Variants in ARK2N observed in about 807,000 individuals in gnomAD.
ARK2N encodes arkadia (RNF111) N-terminal like PKA signaling regulator 2N, also known as protein ARK2N.
At chr18:46,233,528 C>A in the ARK2N span, among the ~76,000 whole-genome samples, 1 of 152,030 alleles carries the variant, frequency 6.6e-6, no homozygotes, top group Admixed American at 6.6e-5. Context: ...TCCAAATAAC[C>A]CCACTTGAAT....
chr18:46,248,670 C>T, the ARK2N span, among the ~76,000 whole-genome samples: 2 of 152,114 alleles, frequency 1.3e-5, no homozygotes, highest in East Asian at 1.9e-4. Context: ...CTGAAACCTC[C>T]GCCTCCTGGG....
chr18:46,259,708 C>G, the ARK2N span, among the ~76,000 whole-genome samples: 47 of 148,816 alleles, frequency 3.2e-4, no homozygotes, highest in Non-Finnish European at 6.0e-4. Context: ...AAGGCTCAAG[C>G]CATCCTCCCA....
chr18:46,258,894 TTCTC>T, the ARK2N span, among the ~76,000 whole-genome samples: 1 of 152,182 alleles, frequency 6.6e-6, no homozygotes, highest in Non-Finnish European at 1.5e-5. Flanking sequence ...TGCTCCCTCT[TTCTC>T]CTGAATTTTT....
At chr18:46,248,857 A>G in the ARK2N span, among the ~76,000 whole-genome samples, 1 of 152,172 alleles carries the variant, frequency 6.6e-6, no homozygotes, top group African/African-American at 2.4e-5. Context: ...TGGTGGGATT[A>G]CAGGCGTGAG....
the ARK2N span, among the ~76,000 whole-genome samples, chr18:46,190,208 T>C: frequency 6.6e-6 from 1 of 152,110 alleles, no homozygotes; most frequent in Admixed American, 6.6e-5. Flanking sequence ...ATTTTTATCT[T>C]GTGTAGTGTT....
At chr18:46,227,339 T>C in the ARK2N span, among the ~76,000 whole-genome samples, 1 of 152,212 alleles carries the variant, frequency 6.6e-6, no homozygotes, top group Non-Finnish European at 1.5e-5. Context: ...CCACTTTGTT[T>C]TAATTCAGTT....
At chr18:46,244,176 T>C in the ARK2N span, among the ~76,000 whole-genome samples, 1 of 152,176 alleles carries the variant, frequency 6.6e-6, no homozygotes, top group African/African-American at 2.4e-5. Context: ...GGAAACTGTA[T>C]TAATATATCT....
chr18:46,253,734 A>T, the ARK2N span: 1 of 1,602,038 alleles, frequency 6.2e-7, no homozygotes, highest in East Asian at 2.3e-5. Flanking sequence ...GTGACAAAAC[A>T]TCTGCTGGCA....
the ARK2N span, among the ~76,000 whole-genome samples, chr18:46,186,491 A>C: frequency 7.2e-6 from 1 of 137,998 alleles, no homozygotes; most frequent in Admixed American, 7.4e-5. Context: ...ACCGCACCCA[A>C]CTGGTGATTT....
At chr18:46,236,684 A>G in the ARK2N span, among the ~76,000 whole-genome samples, 56 of 152,310 alleles carry the variant, frequency 3.7e-4, no homozygotes, top group Non-Finnish European at 6.5e-4. Context: ...AATTACTTTG[A>G]TGTTTTTGAA....
chr18:46,205,036 TA>T, the ARK2N span, among the ~76,000 whole-genome samples: 1 of 151,928 alleles, frequency 6.6e-6, no homozygotes, highest in Admixed American at 6.6e-5. Context: ...TTCTGCCTCC[TA>T]GCTGGGACTA....
chr18:46,224,841 G>C, the ARK2N span, among the ~76,000 whole-genome samples: 1,745 of 152,280 alleles, frequency 0.011, 61 homozygotes, highest in East Asian at 0.12. Context: ...AGCAATGCTT[G>C]TGTCATTTTC....
the ARK2N span, among the ~76,000 whole-genome samples, chr18:46,192,417 C>CA: frequency 2.6e-4 from 38 of 148,838 alleles, no homozygotes; most frequent in African/African-American, 6.6e-4. Flanking sequence ...ACTAAAAATA[C>CA]AAAAAAAAAA....
the ARK2N span, among the ~76,000 whole-genome samples, chr18:46,245,158 C>T: frequency 6.6e-6 from 1 of 152,078 alleles, no homozygotes. Flanking sequence ...TCTTGCCCTC[C>T]TGATCTCAAG....
chr18:46,236,367 A>G, the ARK2N span, among the ~76,000 whole-genome samples: 2 of 152,224 alleles, frequency 1.3e-5, no homozygotes, highest in Non-Finnish European at 2.9e-5. Flanking sequence ...AACAGCAAAC[A>G]TTTCAAAAGA....
At chr18:46,211,271 C>T in the ARK2N span, among the ~76,000 whole-genome samples, 1 of 152,076 alleles carries the variant, frequency 6.6e-6, no homozygotes, top group South Asian at 2.1e-4. Context: ...CGTACTGTTG[C>T]AAACACGGCT....
At chr18:46,240,938 TAAG>T in the ARK2N span, among the ~76,000 whole-genome samples, 2 of 152,238 alleles carry the variant, frequency 1.3e-5, no homozygotes, top group Admixed American at 6.5e-5. Context: ...ACTGAACATT[TAAG>T]AAGAGAAGGG....
At chr18:46,248,336 G>A in the ARK2N span, among the ~76,000 whole-genome samples, 1 of 152,314 alleles carries the variant, frequency 6.6e-6, no homozygotes, top group African/African-American at 2.4e-5. Flanking sequence ...ATTTTACCAT[G>A]GAGTTGGCAT....
chr18:46,256,460 T>G, the ARK2N span, among the ~76,000 whole-genome samples: 1 of 152,218 alleles, frequency 6.6e-6, no homozygotes, highest in African/African-American at 2.4e-5. Context: ...GTTATCATTA[T>G]ATTTCTATGA....
Sources: gnomAD v4.1 joint callset for allele counts (sites outside exome capture counted in the v4.1 genomes callset) on GRCh38, gnomAD v4.1.1 for gene constraint, MANE v1.5 for transcripts, NCBI Gene and HGNC (gene_info 2026-07-23, HGNC 2026-07-21) for gene names.